Variants in PEPD observed in about 807,000 individuals in gnomAD.
PEPD encodes xaa-Pro dipeptidase.
In PEPD, 53 loss-of-function variants were observed where a neutral mutation model predicts 60.7. The observed-to-expected ratio is 0.87, with a 90% confidence interval of 0.70 to 1.10. The LOEUF (loss-of-function observed/expected upper bound fraction) is 1.10. Among genes scored for constraint, PEPD ranks in the 50% least tolerant of loss-of-function variants. The pLI is 0.00. For missense variants in PEPD, 711 were observed against 711.9 expected (o/e 1.00, Z 0.01); for synonymous variants, 267 against 284.1 (o/e 0.94, Z 0.60).
At chr19:33,388,182 GCT>G in intron 13 of PEPD, 101 bp from the exon 14 acceptor site, 3 of 1,019,668 alleles carry the variant, frequency 2.9e-6, no homozygotes, top group Non-Finnish European at 4.4e-6. Context: ...AGTCTCGTGG[GCT>G]CTCTTGACCA....
At chr19:33,462,796 C>T (rs1969950844) in intron 9 of PEPD, 199 bp downstream of exon 9, 1 of 633,710 alleles carries the variant, frequency 1.6e-6, no homozygotes, top group Non-Finnish European at 2.9e-6. Flanking sequence ...AAAACCATTA[C>T]ATCAAACACT....
chr19:33,511,389 G>A, intron 2 of PEPD: 2 of 516,582 alleles, frequency 3.9e-6, no homozygotes, highest in Non-Finnish European at 7.2e-6. Flanking sequence ...CCCTGATGCT[G>A]TGTCAGGCAT....
intron 9 of PEPD, among the ~76,000 whole-genome samples, chr19:33,436,022 C>T (rs1969368874): frequency 6.6e-6 from 1 of 152,176 alleles, no homozygotes; most frequent in East Asian, 1.9e-4. Context: ...CCAGGGCTCC[C>T]TCTGACATCT....
intron 9 of PEPD, among the ~76,000 whole-genome samples, chr19:33,440,475 C>T (rs897739032): frequency 3.9e-5 from 6 of 152,254 alleles, no homozygotes; most frequent in Admixed American, 3.3e-4. Flanking sequence ...AACAGCTGGA[C>T]CGTGGCCCTC....
At chr19:33,452,013 T>C (rs1969709162) in intron 9 of PEPD, among the ~76,000 whole-genome samples, 3 of 152,214 alleles carry the variant, frequency 2.0e-5, no homozygotes, top group Admixed American at 2.0e-4. Context: ...ACCTGATTCA[T>C]GTACACCAAA....
chr19:33,493,448 G>C, intron 4 of PEPD, 111 bp from the exon 5 acceptor site: 1 of 822,106 alleles, frequency 1.2e-6, no homozygotes, highest in East Asian at 2.6e-5. Flanking sequence ...CAGATCATTA[G>C]AACAGGCGAC....
intron 9 of PEPD, among the ~76,000 whole-genome samples, chr19:33,427,562 T>C (rs1038668933): frequency 1.3e-5 from 2 of 152,246 alleles, no homozygotes; most frequent in Non-Finnish European, 2.9e-5. Flanking sequence ...ATGCCAGGAA[T>C]AACTCTTGCA....
chr19:33,466,774 TAAA>T (rs893149650), intron 7 of PEPD, among the ~76,000 whole-genome samples: 19 of 119,138 alleles, frequency 1.6e-4, no homozygotes, highest in African/African-American at 4.7e-4. Context: ...AAAAAAGAAA[TAAA>T]AATTTTTTTC....
At chr19:33,427,683 A>G (rs79533086) in intron 9 of PEPD, among the ~76,000 whole-genome samples, 2,991 of 152,346 alleles carry the variant, frequency 0.02, 55 homozygotes, top group African/African-American at 0.035. Context: ...ATTTTTAATT[A>G]AAATGCTACC....
Position 33,391,236 on chromosome 19 carries a change from G to C in PEPD, c.1152+59C>G, listed in dbSNP as rs918464116. 3 of 1,393,644 alleles carry C rather than the reference G, an allele frequency of 2.2e-6. No homozygotes were observed. The South Asian group carries it at 3.6e-5, about 17-fold the overall frequency. 86.3% of individuals were successfully genotyped at this position (1,393,644 alleles called of 1,614,324 possible). On this transcript the variant is annotated intron_variant, in intron 13 of 14. Coordinates refer to ENST00000244137, the MANE Select transcript of PEPD (RefSeq NM_000285.4). Reference sequence around the variant, plus strand: ...CTCCTAGAGTCCCACCCTGCCCTGGGGGTCAGGCTCAGCGGCAGCTGATGG... The same window carrying C: ...CTCCTAGAGTCCCACCCTGCCCTGGCGGTCAGGCTCAGCGGCAGCTGATGG...
chr19:33,388,542 A>G, intron 13 of PEPD: 1 of 282,400 alleles, frequency 3.5e-6, no homozygotes. Context: ...TGGCCCCAGA[A>G]GTCGTGGTCC....
rs562647366 is a variant in PEPD at position 33,458,535 on chromosome 19, G to T, written c.671+4460C>A. Among the ~76,000 whole-genome samples the T allele has an allele frequency of 3.7e-4, 55 of 148,392 alleles. 1 individual carries two copies. The South Asian group carries it at 0.012, about 32-fold the overall frequency. On this transcript the variant is annotated intron_variant, in intron 9 of 14. Transcript: ENST00000244137. Reference sequence around the variant, plus strand: ...ACATGGCGCATGATGTGTATGTGTGGTGTGTGTGTGGTGTGGGGTGTGTGT... The same window carrying T: ...ACATGGCGCATGATGTGTATGTGTGTTGTGTGTGTGGTGTGGGGTGTGTGT...
chr19:33,482,657 G>A (rs761550182), intron 6 of PEPD, among the ~76,000 whole-genome samples: 1 of 152,160 alleles, frequency 6.6e-6, no homozygotes, highest in Non-Finnish European at 1.5e-5. Flanking sequence ...TCCACTTCTA[G>A]GTATATACCC....
chr19:33,425,488 G>A (rs1027194972), intron 9 of PEPD, among the ~76,000 whole-genome samples: 1 of 152,136 alleles, frequency 6.6e-6, no homozygotes, highest in Non-Finnish European at 1.5e-5. Flanking sequence ...GGGGCAAGGG[G>A]AGGGAAGGGG....
chr19:33,512,617 G>A lies in PEPD; in HGVS notation c.177C>T (p.Thr59=), dbSNP rs372913336. 30 of 1,613,736 alleles carry A rather than the reference G, an allele frequency of 1.9e-5. No individual in the cohort carries two copies. The highest frequency in any genetic ancestry group is 1.2e-4 in the African/African-American group (9 of 74,930). The change falls in exon 2 of 15, where the codon ACC becomes ACT. Residue 59 remains threonine, a synonymous_variant. Coordinates refer to ENST00000244137, the MANE Select transcript of PEPD (RefSeq NM_000285.4). ...QGGEETQRYC[T]DTGVLFRQES... is the part of the protein sequence containing the mutation. ...CCTGGCGGAAGAGGACCCCGGTGTC[G>A]GTGCAGTAGCGCTGAGTCTCCTCCC...
chr19:33,422,778 A>ATCCC (rs1460945218), intron 9 of PEPD, among the ~76,000 whole-genome samples: 1 of 142,034 alleles, frequency 7.0e-6, no homozygotes. Flanking sequence ...TCATTGATCC[A>ATCCC]TCCCTCCCTC....
intron 1 of PEPD, among the ~76,000 whole-genome samples, chr19:33,515,393 A>G (rs2145360179): frequency 6.6e-6 from 1 of 152,206 alleles, no homozygotes; most frequent in South Asian, 2.1e-4. Flanking sequence ...ACCAGCGGCC[A>G]GAGCTTCCTC....
At chr19:33,489,608 G>A (rs1440725757) in intron 6 of PEPD, among the ~76,000 whole-genome samples, 1 of 151,922 alleles carries the variant, frequency 6.6e-6, no homozygotes, top group Admixed American at 6.5e-5. Flanking sequence ...CAGCCTGGGT[G>A]ACAGAGCAAG....
chr19:33,508,087 C>G (rs1337631719), intron 3 of PEPD, among the ~76,000 whole-genome samples: 1 of 140,834 alleles, frequency 7.1e-6, no homozygotes, highest in Non-Finnish European at 1.5e-5. Context: ...CTGATCAGAC[C>G]CTCCCTGAAG....
Sources: allele counts gnomAD v4.1 joint callset (sites outside exome capture counted in the v4.1 genomes callset), GRCh38; gene constraint gnomAD v4.1.1; transcripts MANE v1.5; gene names NCBI Gene and HGNC (gene_info 2026-07-23, HGNC 2026-07-21).